Variants in TMTC2 observed in about 807,000 individuals in gnomAD.
TMTC2 encodes protein O-mannosyl-transferase TMTC2.
TMTC2 carries 43 observed loss-of-function variants against 82.4 expected under a neutral mutation model. That is an observed-to-expected ratio of 0.52 (90% CI 0.41 to 0.67). The LOEUF is 0.67. Ranked by LOEUF, TMTC2 falls within the 30% of genes least tolerant of loss-of-function variation. TMTC2 has a pLI of 0.00. For synonymous variants in TMTC2, 408 were observed against 381.9 expected, an observed-to-expected ratio of 1.07 and a Z score of -0.80; for missense variants, 919 against 1,012.4, an observed-to-expected ratio of 0.91 and a Z score of 1.25.
chr12:82,692,830 G>T (rs1872635640), intron 1 of TMTC2, among the ~76,000 whole-genome samples: 1 of 152,174 alleles, frequency 6.6e-6, no homozygotes. Context: ...TAAAAAAGTG[G>T]AGGGATATTT....
At chr12:83,065,445 G>T (rs1882884760) in intron 11 of TMTC2, among the ~76,000 whole-genome samples, 1 of 151,748 alleles carries the variant, frequency 6.6e-6, no homozygotes, top group Non-Finnish European at 1.5e-5. Context: ...TTAATACCTT[G>T]TTGTTTACCA....
chr12:83,050,222 C>T (rs1882294340), intron 9 of TMTC2, among the ~76,000 whole-genome samples: 1 of 152,076 alleles, frequency 6.6e-6, no homozygotes, highest in African/African-American at 2.4e-5. Flanking sequence ...TGTTCAATCT[C>T]AATTAAAAAA....
chr12:82,989,871 G>A (rs879335339), intron 8 of TMTC2, among the ~76,000 whole-genome samples: 16 of 150,822 alleles, frequency 1.1e-4, no homozygotes, highest in East Asian at 3.9e-4. Flanking sequence ...TATAGTTTCC[G>A]ACTTGCTGAT....
intron 9 of TMTC2, among the ~76,000 whole-genome samples, chr12:83,040,739 G>A (rs535336745): frequency 2.1e-5 from 3 of 145,138 alleles, no homozygotes; most frequent in East Asian, 2.2e-4. Context: ...AGGCTGAAGC[G>A]CAGTGGCACT....
chr12:82,797,163 A>T (rs1254950531), intron 1 of TMTC2, among the ~76,000 whole-genome samples: 1 of 152,108 alleles, frequency 6.6e-6, no homozygotes, highest in African/African-American at 2.4e-5. Context: ...TTGCCATTTT[A>T]AAAAACATAA....
intron 1 of TMTC2, among the ~76,000 whole-genome samples, chr12:82,833,052 C>T (rs1869836402): frequency 6.6e-6 from 1 of 152,220 alleles, no homozygotes; most frequent in Non-Finnish European, 1.5e-5. Context: ...GGCATGGCTG[C>T]TTTCTCTCAG....
At chr12:83,010,582 G>A (rs1796196) in intron 8 of TMTC2, among the ~76,000 whole-genome samples, 124,240 of 152,110 alleles carry the variant, frequency 0.82, 51,090 homozygotes, top group South Asian at 0.93. Context: ...CCTCAGCTAT[G>A]GCACCCAAAT....
At chr12:83,105,553 G>A (rs1884365099) in intron 11 of TMTC2, among the ~76,000 whole-genome samples, 2 of 152,178 alleles carry the variant, frequency 1.3e-5, no homozygotes, top group Admixed American at 1.3e-4. Flanking sequence ...GAGGAGGAAA[G>A]AGTGAGGGGG....
chr12:82,865,639 C>G (rs1871807424), intron 2 of TMTC2, among the ~76,000 whole-genome samples: 1 of 152,180 alleles, frequency 6.6e-6, no homozygotes, highest in Non-Finnish European at 1.5e-5. Flanking sequence ...AGGAATTGAA[C>G]TCAGCTCTGC....
At chr12:82,725,123 A>AT (rs1221136510) in intron 1 of TMTC2, among the ~76,000 whole-genome samples, 2 of 151,934 alleles carry the variant, frequency 1.3e-5, no homozygotes, top group Non-Finnish European at 2.9e-5. Flanking sequence ...AACAGTGTTG[A>AT]TTTTTAAAAA....
At chr12:82,922,215 A>G (rs964474490) in intron 3 of TMTC2, among the ~76,000 whole-genome samples, 1 of 152,230 alleles carries the variant, frequency 6.6e-6, no homozygotes, top group African/African-American at 2.4e-5. Flanking sequence ...ATATGAAATG[A>G]ATACACCAAT....
At chr12:82,917,580 A>ATT (rs550524580) in intron 3 of TMTC2, among the ~76,000 whole-genome samples, 63 of 151,986 alleles carry the variant, frequency 4.1e-4, no homozygotes, top group Middle Eastern at 3.4e-3. Context: ...CTAGCTTAAA[A>ATT]TTGGCTTTTA....
intron 3 of TMTC2, among the ~76,000 whole-genome samples, chr12:82,899,268 G>C (rs761191571): frequency 6.6e-6 from 1 of 151,956 alleles, no homozygotes; most frequent in African/African-American, 2.4e-5. Flanking sequence ...TTACTTGCAG[G>C]CTTTACCATC....
intron 2 of TMTC2, among the ~76,000 whole-genome samples, chr12:82,869,274 G>A (rs1024126280): frequency 6.6e-6 from 1 of 152,200 alleles, no homozygotes; most frequent in African/African-American, 2.4e-5. Context: ...GGAAGCTACC[G>A]AATAAGAATT....
intron 4 of TMTC2, among the ~76,000 whole-genome samples, chr12:82,959,227 A>C (rs1877780686): frequency 6.6e-6 from 1 of 152,214 alleles, no homozygotes; most frequent in African/African-American, 2.4e-5. Context: ...GGAAGAATCA[A>C]TATCATTAAA....
At chr12:82,801,991 C>A (rs139195696) in intron 1 of TMTC2, among the ~76,000 whole-genome samples, 1 of 152,070 alleles carries the variant, frequency 6.6e-6, no homozygotes, top group African/African-American at 2.4e-5. Context: ...GGATCCTGCA[C>A]GGGGGCACAG....
intron 10 of TMTC2, among the ~76,000 whole-genome samples, chr12:83,052,267 A>G (rs959586308): frequency 6.6e-6 from 1 of 152,098 alleles, no homozygotes; most frequent in African/African-American, 2.4e-5. Context: ...TTGTAGATTC[A>G]CCTGTAGTTA....
chr12:82,688,198 T>A (rs944911466), intron 1 of TMTC2, among the ~76,000 whole-genome samples: 1 of 152,188 alleles, frequency 6.6e-6, no homozygotes, highest in Non-Finnish European at 1.5e-5. Flanking sequence ...TTAACGTGTA[T>A]AGACTTTTAC....
At position 82,834,360 on chromosome 12, in the gene TMTC2, G is replaced by T. The variant is rs566046061; in HGVS notation, c.84-22650G>T. ...TAAGTGCCCTTGAAATTTGTCTATT[G>T]TAGCCCTTGTAACTCTATAACCTCT... On this transcript the variant is annotated intron_variant, in intron 1 of 11. Coordinates refer to ENST00000321196, the MANE Select transcript of TMTC2 (RefSeq NM_152588.3). 7.2e-5 allele frequency among the ~76,000 whole-genome samples: 11 copies of T among 152,266 alleles called. No individual in the cohort carries two copies. In the South Asian group the frequency reaches 2.3e-3, roughly 32 times the overall value.
Sources: allele counts gnomAD v4.1 joint callset (sites outside exome capture counted in the v4.1 genomes callset), GRCh38; gene constraint gnomAD v4.1.1; transcripts MANE v1.5; gene names NCBI Gene and HGNC (gene_info 2026-07-23, HGNC 2026-07-21).